TPRG1: variants seen among roughly 807,000 people sequenced by gnomAD.
The protein encoded by TPRG1 is tumor protein p63-regulated gene 1 protein.
Under a neutral mutation model 29.3 loss-of-function variants are expected in TPRG1, and 29 were observed. The observed-to-expected ratio is 0.99, with a 90% confidence interval of 0.74 to 1.35. The LOEUF (loss-of-function observed/expected upper bound fraction) is 1.35. TPRG1 is among the 40% of genes most tolerant of loss of function. TPRG1 has a pLI of 0.00. For missense variants in TPRG1, 327 were observed against 335.0 expected, an observed-to-expected ratio of 0.98 and a Z score of 0.19; for synonymous variants, 130 against 116.8, an observed-to-expected ratio of 1.11 and a Z score of -0.73.
chr3:189,149,926 T>C (rs963836006), intron 4 of TPRG1, among the ~76,000 whole-genome samples: 1 of 152,352 alleles, frequency 6.6e-6, no homozygotes, highest in East Asian at 1.9e-4. Flanking sequence ...GTTTTCCACA[T>C]GGTTGAATAA....
chr3:189,174,663 A>G (rs1729250563), intron 1 of TPRG1, among the ~76,000 whole-genome samples: 1 of 152,248 alleles, frequency 6.6e-6, no homozygotes, highest in Non-Finnish European at 1.5e-5. Context: ...TATAGGATAT[A>G]TGATGACTTC....
upstream of TPRG1, among the ~76,000 whole-genome samples, chr3:189,098,533 G>C (rs960775303): frequency 2.0e-5 from 3 of 152,138 alleles, no homozygotes; most frequent in African/African-American, 7.2e-5. Flanking sequence ...TGGGCTTCCA[G>C]GAAAGCCCCT....
chr3:189,085,454 T>TGTGTGC (rs1553900897), intron 4 of TPRG1, among the ~76,000 whole-genome samples: 2,047 of 151,978 alleles, frequency 0.013, 43 homozygotes, highest in African/African-American at 0.045. Flanking sequence ...TGCATGTGTG[T>TGTGTGC]GTGTGTGTGT....
At chr3:189,200,041 A>G (rs1313605829) in intron 1 of TPRG1, among the ~76,000 whole-genome samples, 1 of 152,148 alleles carries the variant, frequency 6.6e-6, no homozygotes, top group African/African-American at 2.4e-5. Context: ...CTCTGAGGGG[A>G]CGGCAAAAGA....
At chr3:189,064,156 A>G in intron 4 of TPRG1, among the ~76,000 whole-genome samples, 1 of 152,204 alleles carries the variant, frequency 6.6e-6, no homozygotes, top group East Asian at 1.9e-4. Flanking sequence ...ACATAGGGAT[A>G]TAGTATCCGT....
At chr3:189,025,487 C>A (rs1713609610) in intron 4 of TPRG1, among the ~76,000 whole-genome samples, 1 of 152,190 alleles carries the variant, frequency 6.6e-6, no homozygotes, top group African/African-American at 2.4e-5. Context: ...GTTCCTCTCC[C>A]TGAGTGCCAT....
chr3:189,140,181 T>C (rs959572584), intron 3 of TPRG1, among the ~76,000 whole-genome samples: 3 of 152,158 alleles, frequency 2.0e-5, no homozygotes, highest in Non-Finnish European at 4.4e-5. Context: ...TGAGACTCCT[T>C]TATAGGTTTT....
chr3:189,245,215 C>T (rs560074836), intron 4 of TPRG1, among the ~76,000 whole-genome samples: 1 of 152,112 alleles, frequency 6.6e-6, no homozygotes, highest in Non-Finnish European at 1.5e-5. Context: ...AGCCACTGCG[C>T]CCGGTTCATT....
At chr3:189,111,257 G>A (rs1471220787) in intron 1 of TPRG1, among the ~76,000 whole-genome samples, 1 of 151,944 alleles carries the variant, frequency 6.6e-6, no homozygotes, top group Non-Finnish European at 1.5e-5. Flanking sequence ...TCTTTTGTCA[G>A]TATTTTGTAG....
intron 3 of TPRG1, among the ~76,000 whole-genome samples, chr3:189,011,881 T>C (rs1712620044): frequency 6.6e-6 from 1 of 152,224 alleles, no homozygotes; most frequent in East Asian, 1.9e-4. Flanking sequence ...GTTATTTTAT[T>C]CTTTTTGTAG....
intron 3 of TPRG1, among the ~76,000 whole-genome samples, chr3:189,006,740 T>C (rs990110302): frequency 1.3e-5 from 2 of 152,130 alleles, no homozygotes; most frequent in Non-Finnish European, 2.9e-5. Context: ...TTTCTTTATA[T>C]GCCTTAGGGG....
chr3:189,320,710 A>G lies in TPRG1; in HGVS notation c.718A>G (p.Met240Val), dbSNP rs751537371. Residue 240 changes from methionine to valine, a missense_variant, in exon 6 of 6, where the codon ATG (methionine) becomes GTG (valine). Physicochemically the swap from Met to Val is conservative, Grantham distance 21. Coordinates refer to ENST00000345063, the MANE Select transcript of TPRG1 (RefSeq NM_198485.4). ...TGGATCTGGAAGAGGAAAGAAACTG[A>G]TGGTGTTAACTGAACCCATTTTGAT... is the stretch of plus-strand genomic sequence containing the variant. The part of the protein sequence containing the change: ...STGSGRGKKL[M>V]VLTEPILIET... 3 of 1,612,802 alleles carry G rather than the reference A, an allele frequency of 1.9e-6. No individual in the cohort carries two copies. The highest frequency in any genetic ancestry group is 2.5e-6 in the Non-Finnish European group (3 of 1,179,336).
At chr3:189,195,250 G>A (rs995305334) in intron 1 of TPRG1, among the ~76,000 whole-genome samples, 3 of 152,124 alleles carry the variant, frequency 2.0e-5, no homozygotes, top group Non-Finnish European at 4.4e-5. Flanking sequence ...TGTTTCCTGG[G>A]ATGAAGGGAA....
chr3:189,186,955 G>C (rs565240163), intron 1 of TPRG1, among the ~76,000 whole-genome samples: 1 of 149,790 alleles, frequency 6.7e-6, no homozygotes, highest in African/African-American at 2.5e-5. Flanking sequence ...ATATTTTCTA[G>C]GCCTTTAGAT....
At chr3:189,030,675 T>TA (rs1713882888) in intron 4 of TPRG1, among the ~76,000 whole-genome samples, 1 of 152,182 alleles carries the variant, frequency 6.6e-6, no homozygotes, top group Non-Finnish European at 1.5e-5. Context: ...CTGAAAGTGT[T>TA]ACGCCAGTCA....
At position 189,185,623 on chromosome 3, in the gene TPRG1, A is replaced by C. The variant is rs113002986; in HGVS notation, c.-10+13492A>C. ...AGCAAAGAACACTAGAAAATGTAGAAAGTTATAAAAAAAGAGAGTAAGAAT... is the reference window on the plus strand; with the variant it reads ...AGCAAAGAACACTAGAAAATGTAGACAGTTATAAAAAAAGAGAGTAAGAAT... On this transcript the variant is annotated intron_variant, in intron 1 of 5. Coordinates refer to ENST00000345063, the MANE Select transcript of TPRG1 (RefSeq NM_198485.4). Among the ~76,000 whole-genome samples the C allele has an allele frequency of 1.8e-4, 21 of 114,474 alleles. 2 individuals carry two copies. Among genetic ancestry groups the C allele is most frequent in the African/African-American group, 7.1e-4 (21 of 29,398 alleles). The allele number at this position is 114,474 out of a possible 152,430, so 75.1% of individuals were successfully genotyped here.
At chr3:189,150,786 G>T (rs1179928135) in exon 5 of TPRG1, 2 of 152,152 alleles carry the variant, frequency 1.3e-5, no homozygotes, top group Non-Finnish European at 2.9e-5. Flanking sequence ...CACAATGCAA[G>T]GCTCTCCACG....
chr3:189,116,613 GGAAA>G (rs1721208162), intron 1 of TPRG1, among the ~76,000 whole-genome samples: 1 of 152,086 alleles, frequency 6.6e-6, no homozygotes, highest in Non-Finnish European at 1.5e-5. Flanking sequence ...GCCTTAAAAA[GGAAA>G]GAAATTCTGA....
intron 4 of TPRG1, among the ~76,000 whole-genome samples, chr3:189,079,734 C>T (rs1717458402): frequency 6.6e-6 from 1 of 152,164 alleles, no homozygotes; most frequent in South Asian, 2.1e-4. Context: ...CAGTGAAAAA[C>T]TAAATCATTC....
Sources: allele counts gnomAD v4.1 joint callset (sites outside exome capture counted in the v4.1 genomes callset), GRCh38; gene constraint gnomAD v4.1.1; transcripts MANE v1.5; gene names NCBI Gene and HGNC (gene_info 2026-07-23, HGNC 2026-07-21).